The following PRMT8 variants were observed in gnomAD, a reference collection of about 807,000 sequenced individuals.
PRMT8 encodes protein arginine methyltransferase 8, also known as protein arginine N-methyltransferase 8.
A neutral mutation model predicts 47.1 loss-of-function variants in PRMT8; 7 were observed. The observed-to-expected ratio is 0.15, with a 90% CI of 0.08 to 0.28. The LOEUF (loss-of-function observed/expected upper bound fraction) is 0.28. Among genes scored for constraint, PRMT8 ranks in the 10% least tolerant of loss-of-function variants. The pLI is 1.00. For missense variants in PRMT8, 237 were observed against 505.4 expected (o/e 0.47, Z 5.09); for synonymous variants, 188 against 186.5 (o/e 1.01, Z -0.07).
intron 2 of PRMT8, among the ~76,000 whole-genome samples, chr12:3,549,557 T>C (rs1410314143): frequency 6.6e-6 from 1 of 152,102 alleles, no homozygotes; most frequent in Non-Finnish European, 1.5e-5. Flanking sequence ...AAAACCTCTT[T>C]GAATGACGTG....
In PRMT8 at chr12:3,448,981, C is replaced by T. The variant is rs184212473; in HGVS notation, c.48+67539C>T. 5.2e-4 allele frequency among the ~76,000 whole-genome samples: 79 copies of T among 152,188 alleles called. 1 individual carries two copies. The East Asian group carries it at 0.012, about 24-fold the overall frequency. On this transcript the variant is annotated intron_variant, in intron 1 of 9. Coordinates refer to the PRMT8 transcript ENST00000452611. ...CAGCTCCCACTTATAAGTGAGAACA[C>T]GCGGTGTTTGGTTTTCTGTTCCTGC...
chr12:3,530,053 A>G (rs932825997), intron 1 of PRMT8, among the ~76,000 whole-genome samples: 1 of 152,188 alleles, frequency 6.6e-6, no homozygotes, highest in Non-Finnish European at 1.5e-5. Flanking sequence ...TCTCCTAGAA[A>G]TCTCCTTATC....
At chr12:3,518,170 G>A (rs189243377) in intron 1 of PRMT8, among the ~76,000 whole-genome samples, 22 of 152,236 alleles carry the variant, frequency 1.4e-4, no homozygotes, top group East Asian at 5.8e-4. Context: ...CAGGAAAGTC[G>A]GAGGAAGAGG....
chr12:3,415,598 C>G (rs112895671), intron 1 of PRMT8, among the ~76,000 whole-genome samples: 4 of 152,224 alleles, frequency 2.6e-5, no homozygotes, highest in African/African-American at 9.6e-5. Flanking sequence ...TGGATGAAGA[C>G]CAAATAAATA....
intron 1 of PRMT8, among the ~76,000 whole-genome samples, chr12:3,507,413 G>A (rs551899432): frequency 4.7e-4 from 72 of 152,158 alleles, no homozygotes; most frequent in African/African-American, 1.6e-3. Flanking sequence ...GAACCACCGC[G>A]CCCAGCCAAG....
At chr12:3,511,534 T>C (rs1285226552) in intron 1 of PRMT8, among the ~76,000 whole-genome samples, 1 of 152,236 alleles carries the variant, frequency 6.6e-6, no homozygotes, top group Non-Finnish European at 1.5e-5. Flanking sequence ...GTTTCTCACC[T>C]GCTGGCTCAG....
At chr12:3,553,025 A>T in intron 3 of PRMT8, 1 of 287,696 alleles carries the variant, frequency 3.5e-6, no homozygotes, top group East Asian at 9.1e-5. Flanking sequence ...AGGTCCACTC[A>T]TCTCTCAAAT....
intron 1 of PRMT8, among the ~76,000 whole-genome samples, chr12:3,533,745 G>A (rs1209851957): frequency 6.6e-6 from 1 of 152,268 alleles, no homozygotes; most frequent in Non-Finnish European, 1.5e-5. Context: ...GCCAAAGGCA[G>A]GCAATAAAGC....
At chr12:3,521,139 C>T (rs544353992) in intron 1 of PRMT8, among the ~76,000 whole-genome samples, 28 of 152,314 alleles carry the variant, frequency 1.8e-4, no homozygotes, top group African/African-American at 5.8e-4. Context: ...ATCAGGGCCA[C>T]TCAAACTGAG....
intron 1 of PRMT8, among the ~76,000 whole-genome samples, chr12:3,530,712 C>T (rs1245621745): frequency 6.6e-6 from 1 of 152,290 alleles, no homozygotes; most frequent in Admixed American, 6.5e-5. Context: ...CAGGGCTCTA[C>T]GGGCAGCCAA....
At chr12:3,462,441 T>C (rs1865052171) in intron 1 of PRMT8, among the ~76,000 whole-genome samples, 1 of 152,032 alleles carries the variant, frequency 6.6e-6, no homozygotes. Flanking sequence ...CTTAGATGAA[T>C]GACTTGCTAC....
At chr12:3,443,880 C>T (rs1864830012) in intron 1 of PRMT8, among the ~76,000 whole-genome samples, 1 of 152,308 alleles carries the variant, frequency 6.6e-6, no homozygotes, top group South Asian at 2.1e-4. Flanking sequence ...CAAGTTTGTT[C>T]CTGCCTTAGA....
chr12:3,545,942 C>G (rs1380738973), intron 2 of PRMT8, among the ~76,000 whole-genome samples: 1 of 152,216 alleles, frequency 6.6e-6, no homozygotes, highest in African/African-American at 2.4e-5. Context: ...GGAACATTCA[C>G]TAAGATAGAT....
chr12:3,413,491 C>T (rs777720332), intron 1 of PRMT8, among the ~76,000 whole-genome samples: 12 of 152,248 alleles, frequency 7.9e-5, no homozygotes, highest in Middle Eastern at 6.8e-3. Context: ...TCAGGAGCAT[C>T]GATATCACTA....
At chr12:3,528,827 C>A (rs1188261248) in intron 1 of PRMT8, among the ~76,000 whole-genome samples, 1 of 152,096 alleles carries the variant, frequency 6.6e-6, no homozygotes, top group African/African-American at 2.4e-5. Context: ...CCTTTTAGAT[C>A]TTGCTTTTAA....
chr12:3,548,602 C>A (rs1866366206), intron 2 of PRMT8, among the ~76,000 whole-genome samples: 1 of 152,160 alleles, frequency 6.6e-6, no homozygotes, highest in Non-Finnish European at 1.5e-5. Flanking sequence ...CAGTAACCAT[C>A]AGGGAAATAC....
intron 8 of PRMT8, among the ~76,000 whole-genome samples, chr12:3,587,559 A>T (rs575256778): frequency 8.5e-5 from 13 of 152,110 alleles, no homozygotes; most frequent in Non-Finnish European, 1.5e-4. Flanking sequence ...ACACCTCTGC[A>T]TCTTCCTGGA....
At chr12:3,578,379 C>G (rs944180672) in intron 7 of PRMT8, among the ~76,000 whole-genome samples, 2 of 151,994 alleles carry the variant, frequency 1.3e-5, no homozygotes, top group African/African-American at 4.8e-5. Flanking sequence ...TACGTGCCAC[C>G]AGGCATGGCT....
chr12:3,394,969 C>A (rs1277160645), intron 1 of PRMT8, among the ~76,000 whole-genome samples: 1 of 150,482 alleles, frequency 6.6e-6, no homozygotes, highest in Non-Finnish European at 1.5e-5. Context: ...AATTTATCCA[C>A]TTCTTCTAGA....
Sources: allele counts gnomAD v4.1 joint callset (sites outside exome capture counted in the v4.1 genomes callset), GRCh38; gene constraint gnomAD v4.1.1; transcripts MANE v1.5; gene names NCBI Gene and HGNC (gene_info 2026-07-23, HGNC 2026-07-21).